The following ANO1 variants were observed in gnomAD, a reference collection of about 807,000 sequenced individuals.
The protein encoded by ANO1 is anoctamin 1.
A neutral mutation model predicts 124.0 loss-of-function variants in ANO1; 59 were observed. That is an observed-to-expected ratio of 0.48 (90% CI 0.39 to 0.59). The LOEUF (loss-of-function observed/expected upper bound fraction) is 0.59, where lower values mean the gene tolerates loss of function less well. Among genes scored for constraint, ANO1 ranks in the 20% least tolerant of loss-of-function variants. The pLI is 0.00. For missense variants in ANO1, 1,059 were observed against 1,328.0 expected, an observed-to-expected ratio of 0.80 and a Z score of 3.15; for synonymous variants, 529 against 532.0, an observed-to-expected ratio of 0.99 and a Z score of 0.08.
chr11:70,189,303 T>C lies in ANO1; in HGVS notation c.*1299T>C, dbSNP rs750325514. 1.3e-4 allele frequency: 20 copies of C among 152,690 alleles called. No individual in the cohort carries two copies. The highest frequency in any genetic ancestry group is 3.4e-4 in the African/African-American group (14 of 41,474). 9.5% of individuals were successfully genotyped at this position (152,690 alleles called of 1,614,324 possible). A position where few individuals can be genotyped will look rare whatever the true frequency, so the allele number is the denominator to read the frequency against. ...ATCTGCCAACTGTGGTCAAAGTTCATAGGTGTCGTACATTTCCATTATTTG... is the reference window on the plus strand; with the variant it reads ...ATCTGCCAACTGTGGTCAAAGTTCACAGGTGTCGTACATTTCCATTATTTG... On this transcript the variant is annotated 3_prime_UTR_variant, in exon 26 of 26. Coordinates refer to ENST00000355303, the MANE Select transcript of ANO1 (RefSeq NM_018043.7).
Position 70,157,195 on chromosome 11 carries a change from C to T in ANO1, c.1578+174C>T, listed in dbSNP as rs535855365. On this transcript the variant is annotated intron_variant, in intron 16 of 25. Transcript: ENST00000355303. ...CAGCCTGGCCAATATGGTGAAACCC[C>T]GTCTCTTACTAAAAATGCAAAAATT... Among the ~76,000 whole-genome samples, 390 of 151,814 alleles carry T rather than the reference C, an allele frequency of 2.6e-3. 3 individuals are homozygous for T. Among genetic ancestry groups the T allele is most frequent in the Non-Finnish European group, 4.5e-3 (303 of 67,910 alleles).
intron 1 of ANO1, among the ~76,000 whole-genome samples, chr11:70,004,866 A>G (rs1856456019): frequency 6.6e-6 from 1 of 152,128 alleles, no homozygotes; most frequent in Non-Finnish European, 1.5e-5. Flanking sequence ...TAATCCCAAC[A>G]CTTTGGGAGT....
At chr11:70,026,604 C>T (rs573367822) in intron 1 of ANO1, among the ~76,000 whole-genome samples, 11 of 152,074 alleles carry the variant, frequency 7.2e-5, no homozygotes, top group East Asian at 3.9e-4. Context: ...GTGGTAGTGG[C>T]GACTGATATC....
In ANO1 at chr11:70,149,760, C is replaced by G; in HGVS notation, c.1309C>G (p.Arg437Gly). The part of the protein sequence containing the change: ...WKRKQMRLNY[R>G]WDLTGFEEEE... ...GCGGAAACAGATGCGACTCAACTAC[C>G]GCTGGGACCTCACGGGCTTTGAAGA... The change falls in exon 12 of 26, where the codon CGC (arginine) becomes GGC (glycine). Residue 437 changes from arginine (R) to glycine (G), a missense_variant. By Grantham distance (125) the Arg-to-Gly change is moderately radical. Coordinates refer to ENST00000355303, the MANE Select transcript of ANO1 (RefSeq NM_018043.7). 6.2e-7 allele frequency: 1 copy of G among 1,613,854 alleles called. No individual in the cohort carries two copies. The highest frequency in any genetic ancestry group is 1.1e-5 in the South Asian group (1 of 91,040).
chr11:70,105,643 T>C, intron 4 of ANO1, 91 bp from the exon 5 acceptor site: 1 of 1,209,034 alleles, frequency 8.3e-7, no homozygotes, highest in East Asian at 2.4e-5. Flanking sequence ...TCACGGCTAA[T>C]GGGGACAGTG....
the ANO1 span, among the ~76,000 whole-genome samples, chr11:69,972,926 T>TTTTA: frequency 2.6e-5 from 4 of 151,250 alleles, no homozygotes; most frequent in African/African-American, 2.4e-5. Context: ...CTTTTTTTTT[T>TTTTA]GAGACAGAGT....
At chr11:70,111,614 G>A in intron 6 of ANO1, 93 bp from the exon 7 acceptor site, 2 of 1,238,740 alleles carry the variant, frequency 1.6e-6, no homozygotes, top group Non-Finnish European at 2.4e-6. Flanking sequence ...GAAGCTCTTA[G>A]TGGCTGAGAT....
chr11:70,120,147 G>A (rs1363506466), intron 8 of ANO1, among the ~76,000 whole-genome samples: 1 of 152,144 alleles, frequency 6.6e-6, no homozygotes, highest in East Asian at 1.9e-4. Flanking sequence ...TGCAGCCAAG[G>A]ACATTTCAAT....
chr11:70,140,809 A>G (rs1047833851), intron 11 of ANO1, among the ~76,000 whole-genome samples: 3 of 152,220 alleles, frequency 2.0e-5, no homozygotes, highest in African/African-American at 7.2e-5. Flanking sequence ...ACATCTCGGG[A>G]TATCAGGACA....
chr11:70,153,005 G>A lies in ANO1; in HGVS notation c.1354-52G>A. 2.6e-6 allele frequency: 4 copies of A among 1,519,072 alleles called. No individual in the cohort carries two copies. The South Asian group carries it at 4.8e-5, about 18-fold the overall frequency. 94.1% of individuals were successfully genotyped at this position (1,519,072 alleles called of 1,614,324 possible). On this transcript the variant is annotated intron_variant, in intron 13 of 25. Coordinates refer to ENST00000355303, the MANE Select transcript of ANO1 (RefSeq NM_018043.7). ...TTGCCAAGTATGCTCACGCTGAGGA[G>A]CTCAGACTCAAAATTAACAAGGACT...
At position 70,061,456 on chromosome 11, in the gene ANO1, C is replaced by T. The variant is rs1857575255; in HGVS notation, c.59-17086C>T. Among the ~76,000 whole-genome samples, 3 of 146,746 alleles carry T rather than the reference C, an allele frequency of 2.0e-5. No individual in the cohort carries two copies. In the South Asian group the frequency reaches 6.6e-4, roughly 32 times the overall value. On this transcript the variant is annotated intron_variant, in intron 1 of 27. Transcript: ENST00000531349. ...TTTGCCTCCTCTTTTCTCTCTCCTT[C>T]TCTCTCTCTCTCTCCCCACCTCCCC...
At chr11:69,967,268 G>T in the ANO1 span, among the ~76,000 whole-genome samples, 1 of 150,952 alleles carries the variant, frequency 6.6e-6, no homozygotes, top group South Asian at 2.1e-4. Context: ...CGCCTGTATT[G>T]CACGTTAGCT....
intron 1 of ANO1, among the ~76,000 whole-genome samples, chr11:70,043,266 C>A (rs1473126067): frequency 6.6e-6 from 1 of 151,870 alleles, no homozygotes; most frequent in Non-Finnish European, 1.5e-5. Context: ...GAAGACATAG[C>A]AATAGAAACC....
intron 1 of ANO1, among the ~76,000 whole-genome samples, chr11:69,998,496 T>C (rs1856318132): frequency 6.6e-6 from 1 of 152,226 alleles, no homozygotes; most frequent in African/African-American, 2.4e-5. Flanking sequence ...TCATGGGGTA[T>C]CCATTCTTCT....
intron 1 of ANO1, among the ~76,000 whole-genome samples, chr11:70,082,077 C>T (rs986865537): frequency 6.6e-6 from 1 of 152,240 alleles, no homozygotes; most frequent in African/African-American, 2.4e-5. Flanking sequence ...GATGAGAAAA[C>T]TGAGGCTCCC....
chr11:70,117,082 T>C (rs1488500060), intron 8 of ANO1, among the ~76,000 whole-genome samples: 2 of 147,970 alleles, frequency 1.4e-5, no homozygotes, highest in Non-Finnish European at 3.0e-5. Flanking sequence ...CCCTTTATTC[T>C]TTTTTCTTTG....
chr11:70,035,839 G>T (rs1555004350), intron 1 of ANO1, among the ~76,000 whole-genome samples: 1 of 152,092 alleles, frequency 6.6e-6, no homozygotes, highest in East Asian at 1.9e-4. Context: ...CCATGTCCCT[G>T]CAAAGCATAT....
intron 1 of ANO1, among the ~76,000 whole-genome samples, chr11:69,993,746 A>T (rs1856201680): frequency 6.6e-6 from 1 of 152,134 alleles, no homozygotes; most frequent in African/African-American, 2.4e-5. Context: ...GACAAACAAG[A>T]TGACTTCACT....
chr11:70,073,060 T>C, intron 1 of ANO1: 1 of 152,374 alleles, frequency 6.6e-6, no homozygotes, highest in Non-Finnish European at 1.5e-5. Context: ...TGGAAGTTCC[T>C]TATTCTCAGG....
Sources: gnomAD v4.1 joint callset for allele counts (sites outside exome capture counted in the v4.1 genomes callset) on GRCh38, gnomAD v4.1.1 for gene constraint, MANE v1.5 for transcripts, NCBI Gene and HGNC (gene_info 2026-07-23, HGNC 2026-07-21) for gene names.